DEFB119: variants seen among roughly 807,000 people sequenced by gnomAD.
The protein encoded by DEFB119 is defensin beta 119, also known as beta-defensin 119.
DEFB119 carries 3 observed loss-of-function variants against 2.5 expected under a neutral mutation model. The observed-to-expected ratio is 1.19, with a 90% CI of 0.54 to 3.07. The LOEUF (loss-of-function observed/expected upper bound fraction) is 3.07. Among genes scored for constraint, DEFB119 ranks in the 30% most tolerant of loss-of-function variants. DEFB119 has a pLI of 0.03. For missense variants in DEFB119, 113 were observed against 101.1 expected (o/e 1.12, Z -0.50); for synonymous variants, 29 against 33.7 (o/e 0.86, Z 0.48).
rs991582360 is a variant in DEFB119 at position 31,377,192 on chromosome 20, G to T, written c.*54C>A. 17 of 1,510,106 alleles carry T rather than the reference G, an allele frequency of 1.1e-5. No homozygotes were observed. Among genetic ancestry groups the T allele is most frequent in the Non-Finnish European group, 1.4e-5 (16 of 1,121,422 alleles). 93.5% of individuals were successfully genotyped at this position (1,510,106 alleles called of 1,614,324 possible). On this transcript the variant is annotated 3_prime_UTR_variant, in exon 2 of 2. Transcript: ENST00000376321. ...CAGGCACATGAATTTTAATGAGGGG[G>T]GTTGACAGCAGGTCTCTGTGCCCAG...
chr20:31,386,879 T>A (rs922562094), intron 1 of DEFB119, among the ~76,000 whole-genome samples: 1 of 139,226 alleles, frequency 7.2e-6, no homozygotes, highest in East Asian at 2.0e-4. Context: ...AGTGGCGGGA[T>A]CTCGGCTCAC....
intron 1 of DEFB119, chr20:31,388,240 A>G (rs56413740): frequency 0.026 from 25,793 of 985,272 alleles, 405 homozygotes; most frequent in Non-Finnish European, 0.029. Flanking sequence ...ACTCTAACAC[A>G]GTTGGAAGGC....
intron 1 of DEFB119, among the ~76,000 whole-genome samples, chr20:31,386,041 G>C (rs1986690617): frequency 6.6e-6 from 1 of 152,104 alleles, no homozygotes; most frequent in Admixed American, 6.6e-5. Context: ...GGGCAGGAGA[G>C]GATGGCGAGA....
At chr20:31,388,162 C>A in intron 1 of DEFB119, 1 of 984,502 alleles carries the variant, frequency 1.0e-6, no homozygotes, top group Non-Finnish European at 1.2e-6. Flanking sequence ...CTTAAATGTT[C>A]CCCATGAGTG....
At chr20:31,378,401 A>G (rs1385240219) in intron 1 of DEFB119, 1 of 1,614,136 alleles carries the variant, frequency 6.2e-7, no homozygotes, top group South Asian at 1.1e-5. Flanking sequence ...GCTGTATCAG[A>G]GGAGACAAGC....
Position 31,387,561 on chromosome 20 carries a change from T to C in DEFB119, c.61+2862A>G, listed in dbSNP as rs577277966. 3.5e-4 allele frequency among the ~76,000 whole-genome samples: 53 copies of C among 152,308 alleles called. 1 individual carries two copies. In the South Asian group the frequency reaches 9.7e-3, roughly 28 times the overall value. ...CAGAACTCCATGCAGGAACATGGCA[T>C]TCCGAGGGAAGCCTGCCCAGCCCAC... On this transcript the variant is annotated intron_variant, in intron 1 of 1. Coordinates refer to ENST00000376321, the MANE Select transcript of DEFB119 (RefSeq NM_153289.4).
intron 1 of DEFB119, among the ~76,000 whole-genome samples, chr20:31,379,856 G>A (rs901050412): frequency 3.6e-4 from 54 of 152,020 alleles, no homozygotes; most frequent in African/African-American, 1.2e-3. Context: ...TAGTAGAGAC[G>A]GGGTTTCACC....
In DEFB119 at chr20:31,390,190, C is replaced by T. The variant is rs138280301; in HGVS notation, c.61+233G>A. On this transcript the variant is annotated intron_variant, in intron 1 of 1. Transcript: ENST00000376321. The stretch of plus-strand genomic sequence containing the variant: ...TTGCCCCTCAAACCTCTCCCAAGCT[C>T]CCACCAGGATACCACCCTGGCCCTC... Among the ~76,000 whole-genome samples the T allele has an allele frequency of 2.5e-4, 38 of 152,140 alleles. 1 individual carries two copies. The East Asian group carries it at 5.6e-3, about 23-fold the overall frequency.
chr20:31,382,582 C>A (rs776267316), intron 1 of DEFB119, among the ~76,000 whole-genome samples: 2 of 152,196 alleles, frequency 1.3e-5, no homozygotes, highest in African/African-American at 2.4e-5. Flanking sequence ...TCCTTGCTAA[C>A]CCTGCCAGCC....
intron 1 of DEFB119, among the ~76,000 whole-genome samples, chr20:31,389,921 C>G (rs1027725064): frequency 2.4e-4 from 36 of 152,024 alleles, no homozygotes; most frequent in African/African-American, 8.7e-4. Flanking sequence ...CATCCAGCAC[C>G]GACTCCCAGC....
chr20:31,381,610 C>T (rs1196977183), intron 1 of DEFB119, among the ~76,000 whole-genome samples: 3 of 152,114 alleles, frequency 2.0e-5, no homozygotes, highest in East Asian at 1.9e-4. Context: ...CTCAGGAGTT[C>T]GAGACCAGCC....
chr20:31,389,671 C>T (rs1986851632), intron 1 of DEFB119, among the ~76,000 whole-genome samples: 1 of 152,080 alleles, frequency 6.6e-6, no homozygotes, highest in African/African-American at 2.4e-5. Context: ...GCCCAACAAG[C>T]CTCAGCTCCA....
chr20:31,379,501 C>CTT (rs10714744), intron 1 of DEFB119, among the ~76,000 whole-genome samples: 15 of 148,912 alleles, frequency 1.0e-4, no homozygotes, highest in African/African-American at 2.7e-4. Context: ...ACTGTTGAGT[C>CTT]TTTTTTTTTT....
chr20:31,389,238 G>A lies in DEFB119; in HGVS notation c.61+1185C>T, dbSNP rs1436648699. ...CATCCATCCAACACTCTACTTTGGG[G>A]CATATGAACAACAATTAAGCAGATG... On this transcript the variant is annotated intron_variant, in intron 1 of 1. Coordinates refer to ENST00000376321, the MANE Select transcript of DEFB119 (RefSeq NM_153289.4). The A allele has an allele frequency of 3.1e-6, 5 of 1,614,022 alleles. No homozygotes were observed. In the South Asian group the frequency reaches 5.5e-5, roughly 18 times the overall value.
chr20:31,382,468 A>G (rs1270934805), intron 1 of DEFB119, among the ~76,000 whole-genome samples: 2 of 152,192 alleles, frequency 1.3e-5, no homozygotes, highest in African/African-American at 2.4e-5. Flanking sequence ...GGCTGAATAC[A>G]TAGAAGGCAA....
intron 1 of DEFB119, among the ~76,000 whole-genome samples, chr20:31,384,480 CA>C (rs1216156623): frequency 6.6e-6 from 1 of 151,010 alleles, no homozygotes; most frequent in Non-Finnish European, 1.5e-5. Context: ...TCACCGAAAA[CA>C]AAAAAGTAAA....
chr20:31,383,532 TTAA>T (rs566664468), intron 1 of DEFB119, among the ~76,000 whole-genome samples: 15 of 18,238 alleles, frequency 8.2e-4, no homozygotes, highest in Admixed American at 2.5e-3. Flanking sequence ...AGACTCTGTC[TTAA>T]AAAAAAAAAA....
chr20:31,383,533 TAAAAAAA>T (rs34549958), intron 1 of DEFB119, among the ~76,000 whole-genome samples: 1 of 55,412 alleles, frequency 1.8e-5, no homozygotes, highest in South Asian at 1.2e-3. Context: ...GACTCTGTCT[TAAAAAAA>T]AAAAAAAAAA....
intron 1 of DEFB119, chr20:31,388,399 G>A (rs1188823274): frequency 8.1e-6 from 7 of 863,930 alleles, no homozygotes; most frequent in Non-Finnish European, 9.7e-6. Flanking sequence ...TACAGAGGAG[G>A]AAGATGAAGT....
Sources: gnomAD v4.1 joint callset for allele counts (sites outside exome capture counted in the v4.1 genomes callset) on GRCh38, gnomAD v4.1.1 for gene constraint, MANE v1.5 for transcripts, NCBI Gene and HGNC (gene_info 2026-07-23, HGNC 2026-07-21) for gene names.